The following USP34 variants were observed in gnomAD, a reference collection of about 807,000 sequenced individuals.
USP34 encodes ubiquitin carboxyl-terminal hydrolase 34.
Under a neutral mutation model 460.3 loss-of-function variants are expected in USP34, and 70 were observed. That is an observed-to-expected ratio of 0.15 (90% CI 0.13 to 0.19). USP34 has a LOEUF of 0.19. Among genes scored for constraint, USP34 ranks in the 10% least tolerant of loss-of-function variants. The pLI, the probability that USP34 is intolerant of heterozygous loss-of-function variation, is 1.00. For synonymous variants in USP34, 1,647 were observed against 1,405.3 expected (o/e 1.17, Z -3.85); for missense variants, 3,985 against 4,236.2 (o/e 0.94, Z 1.65).
At chr2:61,341,549 G>C (rs1025454578) in intron 16 of USP34, among the ~76,000 whole-genome samples, 1 of 151,922 alleles carries the variant, frequency 6.6e-6, no homozygotes, top group Non-Finnish European at 1.5e-5. Context: ...AGATCTGGTT[G>C]TTTAGAAGAG....
chr2:61,385,105 GAACA>G (rs1055000502), intron 5 of USP34, among the ~76,000 whole-genome samples: 5 of 151,966 alleles, frequency 3.3e-5, no homozygotes, highest in South Asian at 4.2e-4. Context: ...TTGTTCCTGA[GAACA>G]AATAATACAG....
In USP34 at chr2:61,221,512, C is replaced by T; in HGVS notation, c.7889G>A (p.Arg2630Lys). Residue 2630 changes from arginine to lysine, a missense_variant, in exon 66 of 80, where the codon AGG (arginine) becomes AAG (lysine). Physicochemically the swap from Arg to Lys is conservative, Grantham distance 26 (BLOSUM62 2). This residue lies in a region of USP34 where 604 missense variants were observed against 684.8 expected (regional missense o/e 0.88). Coordinates refer to ENST00000398571, the MANE Select transcript of USP34 (RefSeq NM_014709.4). ...MPPFASYILQ[R>K]IWEVIEYNPS... ...TGCTGCAAGACTTACCTCCCATATC[C>T]TCTGCAGAATATAAGATGCAAAGGG... is the stretch of plus-strand genomic sequence containing the variant. 1 of 1,613,672 alleles carries T rather than the reference C, an allele frequency of 6.2e-7. No individual in the cohort carries two copies. The highest frequency in any genetic ancestry group is 2.2e-5 in the East Asian group (1 of 44,846).
Position 61,356,603 on chromosome 2 carries a change from G to A in USP34, c.1252-5910C>T, listed in dbSNP as rs1486857738. On this transcript the variant is annotated intron_variant, in intron 10 of 79. Transcript: ENST00000398571. ...GAAGAGATTAGGCTAAGTGAAATAA[G>A]CCAGTCACAAAAGGACAAATATTTA... Among the ~76,000 whole-genome samples the A allele has an allele frequency of 2.0e-5, 3 of 152,112 alleles. No homozygotes were observed. The East Asian group carries it at 5.8e-4, about 29-fold the overall frequency.
At chr2:61,272,891 A>G (rs1689258030) in intron 41 of USP34, among the ~76,000 whole-genome samples, 1 of 152,216 alleles carries the variant, frequency 6.6e-6, no homozygotes, top group African/African-American at 2.4e-5. Context: ...GATGATTGTG[A>G]CATGAGTCTG....
chr2:61,311,342 C>G (rs756219300), intron 27 of USP34, among the ~76,000 whole-genome samples, 198 bp downstream of exon 27: 16 of 152,130 alleles, frequency 1.1e-4, no homozygotes, highest in Non-Finnish European at 2.2e-4. Context: ...TGATCTTGGA[C>G]TTCCCAAATT....
At chr2:61,271,794 G>A (rs1474593253) in intron 41 of USP34, among the ~76,000 whole-genome samples, 2 of 152,074 alleles carry the variant, frequency 1.3e-5, no homozygotes, top group East Asian at 3.9e-4. Flanking sequence ...TATTTATCAT[G>A]TTTCTTTATA....
intron 68 of USP34, among the ~76,000 whole-genome samples, chr2:61,213,608 G>T (rs1687327421): frequency 6.6e-6 from 1 of 152,160 alleles, no homozygotes; most frequent in Non-Finnish European, 1.5e-5. Flanking sequence ...CATTTCATTT[G>T]TTTGGATGCA....
At chr2:61,235,787 G>T in intron 57 of USP34, 58 bp downstream of exon 57, 1 of 1,519,010 alleles carries the variant, frequency 6.6e-7, no homozygotes, top group Non-Finnish European at 8.9e-7. Context: ...TTAGATCAGA[G>T]GGGGGGAAAA....
Position 61,229,585 on chromosome 2 carries a change from G to A in USP34, c.7162C>T (p.His2388Tyr). ...IHVIQRLRPVHAHLYLQPGME... is the reference protein window; with the variant it reads ...IHVIQRLRPVYAHLYLQPGME... ...CCTGGCTGCAAATAGAGATGAGCAT[G>A]CACAGGTCTCAGCCTCTGAATCACA... Residue 2388 changes from histidine to tyrosine, a missense_variant, in exon 59 of 80, where the codon CAT becomes TAT. Around this residue, in one of 14 missense-constraint regions of USP34, gnomAD observed 604 missense variants for 684.8 expected, o/e 0.88. Coordinates refer to ENST00000398571, the MANE Select transcript of USP34 (RefSeq NM_014709.4). 1.2e-6 allele frequency: 2 copies of A among 1,611,952 alleles called. No homozygotes were observed. The highest frequency in any genetic ancestry group is 1.7e-6 in the Non-Finnish European group (2 of 1,179,380).
chr2:61,348,502 T>C, intron 14 of USP34, 22 bp from the exon 15 acceptor site: 1 of 1,592,590 alleles, frequency 6.3e-7, no homozygotes, highest in Non-Finnish European at 8.5e-7. Flanking sequence ...AACAAATAGA[T>C]TTAAATAAAT....
intron 1 of USP34, among the ~76,000 whole-genome samples, chr2:61,453,856 G>T (rs1400348076): frequency 1.3e-5 from 2 of 151,540 alleles, no homozygotes; most frequent in Non-Finnish European, 1.5e-5. Flanking sequence ...TTAAATATGT[G>T]TCACATTCAA....
At chr2:61,406,170 C>T (rs76092881) in intron 2 of USP34, 42 bp from the exon 3 acceptor site, 38,883 of 1,411,934 alleles carry the variant, frequency 0.028, 633 homozygotes, top group African/African-American at 0.034. Flanking sequence ...AATAAAGCAG[C>T]AGCTGTATTT....
intron 10 of USP34, among the ~76,000 whole-genome samples, chr2:61,369,855 C>A (rs934281384): frequency 3.3e-5 from 5 of 149,398 alleles, no homozygotes; most frequent in Non-Finnish European, 5.9e-5. Flanking sequence ...GCTATTTATA[C>A]AAAAAAATCT....
intron 1 of USP34, among the ~76,000 whole-genome samples, chr2:61,434,163 C>T (rs1694750739): frequency 6.6e-6 from 1 of 152,166 alleles, no homozygotes; most frequent in South Asian, 2.1e-4. Flanking sequence ...AAGAAAAAGG[C>T]TCCTAGCACC....
chr2:61,251,158 T>C (rs1171192735), intron 48 of USP34, among the ~76,000 whole-genome samples: 1 of 151,832 alleles, frequency 6.6e-6, no homozygotes, highest in Non-Finnish European at 1.5e-5. Flanking sequence ...AATAAATAAA[T>C]AAGTAAATAA....
chr2:61,266,243 G>A (rs1302598093), intron 41 of USP34, 76 bp from the exon 42 acceptor site: 3 of 1,343,906 alleles, frequency 2.2e-6, no homozygotes, highest in African/African-American at 2.9e-5. Flanking sequence ...ATATACACAG[G>A]ATGACAGGCT....
chr2:61,265,653 C>T, intron 42 of USP34, 96 bp from the exon 43 acceptor site: 2 of 1,159,322 alleles, frequency 1.7e-6, no homozygotes, highest in Non-Finnish European at 2.4e-6. Context: ...CCATTAGTTA[C>T]CTCATTAATA....
intron 5 of USP34, among the ~76,000 whole-genome samples, chr2:61,384,627 C>T (rs1036634746): frequency 1.3e-5 from 2 of 151,974 alleles, no homozygotes; most frequent in Non-Finnish European, 2.9e-5. Context: ...GAGCCAGGAT[C>T]GCGTCACTGT....
chr2:61,339,421 A>C lies in USP34; in HGVS notation c.2674T>G (p.Cys892Gly), dbSNP rs1158514285. ...CGAATTTGTCTATCTGTAAACCAAC[A>C]TACTAACGAACAAAGAAGTTTCTCT... is the stretch of plus-strand genomic sequence containing the variant. ...EAEKLLCSLV[C>G]WFTDRQIRMR... is the part of the protein sequence containing the mutation. Residue 892 changes from cysteine (C) to glycine (G), a missense_variant, in exon 18 of 80, where the codon TGT becomes GGT. Transcript: ENST00000398571. 2.5e-6 allele frequency: 4 copies of C among 1,606,696 alleles called. No individual in the cohort carries two copies. Among genetic ancestry groups the C allele is most frequent in the Non-Finnish European group, 3.4e-6 (4 of 1,176,574 alleles).
Sources: gnomAD v4.1 joint callset for allele counts (sites outside exome capture counted in the v4.1 genomes callset) on GRCh38, gnomAD v4.1.1 for gene constraint, gnomAD v4.1.1 regional missense constraint, MANE v1.5 for transcripts, NCBI Gene and HGNC (gene_info 2026-07-23, HGNC 2026-07-21) for gene names.